The following RNF32 variants were observed in gnomAD, a reference collection of about 807,000 sequenced individuals.
The protein encoded by RNF32 is ring finger protein 32.
A neutral mutation model predicts 41.0 loss-of-function variants in RNF32; 36 were observed. The observed-to-expected ratio is 0.88, with a 90% confidence interval of 0.67 to 1.16. The LOEUF (loss-of-function observed/expected upper bound fraction) is 1.16, where lower values mean the gene tolerates loss of function less well. Among genes scored for constraint, RNF32 ranks in the 50% most tolerant of loss-of-function variants. The pLI is 0.00. For synonymous variants in RNF32, 154 were observed against 160.9 expected (o/e 0.96, Z 0.32); for missense variants, 413 against 436.7 (o/e 0.95, Z 0.48).
At chr7:156,659,674 T>C in intron 7 of RNF32, 5 of 924,492 alleles carry the variant, frequency 5.4e-6, no homozygotes, top group South Asian at 5.0e-5. Flanking sequence ...CTCTTGAAGA[T>C]AAAGGCCCAC....
chr7:156,661,858 C>T (rs547570824), intron 7 of RNF32, among the ~76,000 whole-genome samples: 6 of 152,196 alleles, frequency 3.9e-5, no homozygotes, highest in South Asian at 4.1e-4. Context: ...TACAAGTGAC[C>T]GTGTTATCTG....
Position 156,654,731 on chromosome 7 carries a change from C to T in RNF32, c.417+13C>T, listed in dbSNP as rs111847890. 1,970 of 1,611,690 alleles carry T rather than the reference C, an allele frequency of 1.2e-3. 24 individuals carry two copies. In the African/African-American group the frequency reaches 0.023, roughly 19 times the overall value. On this transcript the variant is annotated intron_variant, in intron 4 of 8. Coordinates refer to ENST00000317955, the MANE Select transcript of RNF32 (RefSeq NM_030936.4). Reference sequence around the variant, plus strand: ...GCTTCGTCCTCAGGTGTTTAGCATACGAGGGTGAGCTAGAGAGCTCCTGGG... The same window carrying T: ...GCTTCGTCCTCAGGTGTTTAGCATATGAGGGTGAGCTAGAGAGCTCCTGGG...
Position 156,675,848 on chromosome 7 carries a change from G to A in RNF32, c.837G>A (p.Glu279=). ...ATGAGATCACAGAAGAGGAATGGGA[G>A]AAAATCCAAGTGCAGGTAGGTTTGG... ...CGHEITEEEW[E]KIQVQALRRE... Residue 279 remains glutamate, a synonymous_variant, in exon 8 of 9, where the codon GAG becomes GAA. Coordinates refer to ENST00000317955, the MANE Select transcript of RNF32 (RefSeq NM_030936.4). 6.2e-7 allele frequency: 1 copy of A among 1,613,766 alleles called. No individual in the cohort carries two copies. Among genetic ancestry groups the A allele is most frequent in the Non-Finnish European group, 8.5e-7 (1 of 1,179,768 alleles).
chr7:156,656,440 T>G (rs949862404), intron 4 of RNF32, among the ~76,000 whole-genome samples: 4 of 152,176 alleles, frequency 2.6e-5, no homozygotes, highest in Non-Finnish European at 5.9e-5. Flanking sequence ...AAGAATGAAT[T>G]AAGTATAGAA....
chr7:156,672,012 A>G (rs1802662821), intron 7 of RNF32, among the ~76,000 whole-genome samples: 1 of 152,094 alleles, frequency 6.6e-6, no homozygotes, highest in African/African-American at 2.4e-5. Context: ...GGAAAGGAAT[A>G]TTTGCGTCTG....
chr7:156,659,584 C>A lies in RNF32; in HGVS notation c.684+1014C>A, dbSNP rs75795444. 4.3e-3 allele frequency: 4,072 copies of A among 955,766 alleles called. 129 individuals are homozygous for A. In the African/African-American group the frequency reaches 0.068, roughly 16 times the overall value. 59.2% of individuals were successfully genotyped at this position (955,766 alleles called of 1,614,324 possible). On this transcript the variant is annotated intron_variant, in intron 7 of 8. Coordinates refer to ENST00000317955, the MANE Select transcript of RNF32 (RefSeq NM_030936.4). ...AAGTGATTTTTTGTCACCTCTTATA[C>A]AATTTTAATTACAGATTTGATAGTC...
chr7:156,658,098 T>TA lies in RNF32; in HGVS notation c.451-26dup. On this transcript the variant is annotated intron_variant, in intron 5 of 8. Coordinates refer to ENST00000317955, the MANE Select transcript of RNF32 (RefSeq NM_030936.4). Reference sequence around the variant, plus strand: ...AACGTTGTTTATAAGTAATTACTTGTAAAATTTTAAGTGAAATGTTTTTCT... The same window carrying TA: ...AACGTTGTTTATAAGTAATTACTTGTAAAAATTTTAAGTGAAATGTTTTTCT... 3 of 1,604,020 alleles carry TA rather than the reference T, an allele frequency of 1.9e-6. No homozygotes were observed. The African/African-American group carries it at 4.0e-5, about 22-fold the overall frequency.
chr7:156,659,066 A>G lies in RNF32; in HGVS notation c.684+496A>G, dbSNP rs73505407. On this transcript the variant is annotated intron_variant, in intron 7 of 8. Transcript: ENST00000317955. ...TCCATGTCTACCCTTCCTCTTAACCACTATTTATGCTTTAGTTTTACTTTT... is the reference window on the plus strand; with the variant it reads ...TCCATGTCTACCCTTCCTCTTAACCGCTATTTATGCTTTAGTTTTACTTTT... 1.8e-3 allele frequency: 2,502 copies of G among 1,386,966 alleles called. 39 individuals are homozygous for G. In the African/African-American group the frequency reaches 0.034, roughly 19 times the overall value. The allele number at this position is 1,386,966 out of a possible 1,614,324, so 85.9% of individuals were successfully genotyped here. A position where few individuals can be genotyped will look rare whatever the true frequency, so the allele number is the denominator to read the frequency against.
At chr7:156,656,833 AG>A (rs2131480304) in intron 4 of RNF32, among the ~76,000 whole-genome samples, 1 of 152,352 alleles carries the variant, frequency 6.6e-6, no homozygotes, top group East Asian at 1.9e-4. Flanking sequence ...GCCCCTCCCA[AG>A]GGAAGCAGGA....
intron 7 of RNF32, among the ~76,000 whole-genome samples, chr7:156,668,257 C>G (rs565727566): frequency 6.6e-6 from 1 of 152,170 alleles, no homozygotes; most frequent in African/African-American, 2.4e-5. Flanking sequence ...GAGAGGTCAC[C>G]TCCAGCCCAG....
At chr7:156,648,750 G>A (rs1012216584) in intron 3 of RNF32, among the ~76,000 whole-genome samples, 1 of 152,040 alleles carries the variant, frequency 6.6e-6, no homozygotes, top group Non-Finnish European at 1.5e-5. Flanking sequence ...GTAATCTCTT[G>A]TTGATTTAGC....
chr7:156,676,639 A>T lies in RNF32; in HGVS notation c.1073A>T (p.Lys358Met), dbSNP rs1375705327. 2 of 1,613,600 alleles carry T rather than the reference A, an allele frequency of 1.2e-6. No homozygotes were observed. The highest frequency in any genetic ancestry group is 2.2e-5 in the East Asian group (1 of 44,872). Residue 358 changes from lysine to methionine, a missense_variant, in exon 9 of 9, where the codon AAG becomes ATG. Transcript: ENST00000317955. Reference protein sequence around the residue: ...CPLCRSCYQKKILEC With the variant: ...CPLCRSCYQKMILEC The stretch of plus-strand genomic sequence containing the variant: ...CTCTGCCGCTCCTGCTACCAGAAGA[A>T]GATTCTTGAATGTTGAATTCATAGT...
chr7:156,676,132 C>T (rs1330402177), intron 8 of RNF32: 12 of 930,186 alleles, frequency 1.3e-5, no homozygotes, highest in East Asian at 7.9e-5. Context: ...TTTAGGGTGA[C>T]GGCAAAGGTC....
At chr7:156,640,662 A>G (rs770311167), upstream of RNF32, 1 of 338,392 alleles carries the variant, frequency 3.0e-6, no homozygotes, top group South Asian at 2.1e-5. Flanking sequence ...CATGCGCAGT[A>G]TGGGGCGGGG....
intron 1 of RNF32, among the ~76,000 whole-genome samples, chr7:156,641,863 TATTTC>T (rs1584988884): frequency 6.8e-6 from 1 of 147,836 alleles, no homozygotes; most frequent in East Asian, 1.9e-4. Context: ...GGGTGGAACT[TATTTC>T]AAACATCTCT....
rs1799625418 is a variant in RNF32 at position 156,656,077 on chromosome 7, T to C, written c.417+1359T>C. ...CCATGTTCAGATTTTTCCTTAGTTA[T>C]AAACAATAGTTGGCATTTTTATAAC... On this transcript the variant is annotated intron_variant, in intron 4 of 8. Transcript: ENST00000317955. 2.0e-5 allele frequency among the ~76,000 whole-genome samples: 3 copies of C among 152,252 alleles called. No individual in the cohort carries two copies. The South Asian group carries it at 6.2e-4, about 32-fold the overall frequency.
chr7:156,665,104 T>C (rs529649970), intron 7 of RNF32, among the ~76,000 whole-genome samples: 4 of 152,352 alleles, frequency 2.6e-5, no homozygotes, highest in African/African-American at 9.6e-5. Context: ...TTCCAAAAGT[T>C]CTTCAGAACT....
At chr7:156,658,920 G>A (rs1800163713) in intron 7 of RNF32, 1 of 1,545,122 alleles carries the variant, frequency 6.5e-7, no homozygotes, top group African/African-American at 1.4e-5. Context: ...TGTAAATGAA[G>A]ACATCTGCTG....
At chr7:156,664,795 T>C (rs1563089574) in intron 7 of RNF32, among the ~76,000 whole-genome samples, 1 of 152,218 alleles carries the variant, frequency 6.6e-6, no homozygotes. Flanking sequence ...CATAATAGTA[T>C]ACTATTAACA....
Sources: allele counts gnomAD v4.1 joint callset (sites outside exome capture counted in the v4.1 genomes callset), GRCh38; gene constraint gnomAD v4.1.1; transcripts MANE v1.5; gene names NCBI Gene and HGNC (gene_info 2026-07-23, HGNC 2026-07-21).